Variants in CRYBG3 observed in about 807,000 individuals in gnomAD.
The protein encoded by CRYBG3 is very large A-kinase anchor protein.
CRYBG3 carries 127 observed loss-of-function variants against 244.2 expected under a neutral mutation model. The observed-to-expected ratio is 0.52, with a 90% CI of 0.45 to 0.60. The LOEUF (loss-of-function observed/expected upper bound fraction) is 0.60, where lower values mean the gene tolerates loss of function less well. Among genes scored for constraint, CRYBG3 ranks in the 20% least tolerant of loss-of-function variants. CRYBG3 has a pLI of 0.00. For synonymous variants in CRYBG3, 1,132 were observed against 1,195.8 expected, an observed-to-expected ratio of 0.95 and a Z score of 1.10; for missense variants, 3,325 against 3,442.5, an observed-to-expected ratio of 0.97 and a Z score of 0.85.
Position 97,872,116 on chromosome 3 carries a change from A to C in CRYBG3, c.922A>C (p.Lys308Gln), listed in dbSNP as rs1465907285. 2 of 1,535,928 alleles carry C rather than the reference A, an allele frequency of 1.3e-6. No individual in the cohort carries two copies. Among genetic ancestry groups the C allele is most frequent in the Non-Finnish European group, 1.7e-6 (2 of 1,146,826 alleles). ...CCCATTAGAAGACTCTGATTGTAGC[A>C]AAACAAGTTTCAACAAGGAAAATTC... is the stretch of plus-strand genomic sequence containing the variant. ...EGPLEDSDCSKTSFNKENSLT... is the reference protein window; with the variant it reads ...EGPLEDSDCSQTSFNKENSLT... The change falls in exon 4 of 22, where the codon AAA becomes CAA. Residue 308 changes from lysine to glutamine, a missense_variant. This residue lies in a region of CRYBG3 where 1,526 missense variants were observed against 1,443.2 expected (regional missense o/e 1.06). Coordinates refer to ENST00000389622, the MANE Select transcript of CRYBG3 (RefSeq NM_153605.4).
intron 3 of CRYBG3, among the ~76,000 whole-genome samples, chr3:97,870,759 G>C (rs954728045): frequency 3.3e-5 from 5 of 152,108 alleles, no homozygotes; most frequent in African/African-American, 1.2e-4. Flanking sequence ...TTCATGAGAA[G>C]GTATTAAGCA....
rs1229464316 is a variant in CRYBG3 at position 97,873,471 on chromosome 3, G to C, written c.2277G>C (p.Glu759Asp). 1 of 1,535,868 alleles carries C rather than the reference G, an allele frequency of 6.5e-7. No homozygotes were observed. Among genetic ancestry groups the C allele is most frequent in the African/African-American group, 1.4e-5 (1 of 73,152 alleles). ...GTGGCCCTCACTTAACTGGGTTGGAGCTATTGAGCTTTGACTCTGGAAACC... is the reference window on the plus strand; with the variant it reads ...GTGGCCCTCACTTAACTGGGTTGGACCTATTGAGCTTTGACTCTGGAAACC... ...EASGPHLTGLELLSFDSGNLS... is the reference protein window; with the variant it reads ...EASGPHLTGLDLLSFDSGNLS... Residue 759 changes from glutamate to aspartate, a missense_variant, in exon 4 of 22, where the codon GAG becomes GAC. By Grantham distance (45) the Glu-to-Asp change is conservative. This residue lies in a region of CRYBG3 where 1,526 missense variants were observed against 1,443.2 expected (regional missense o/e 1.06). Coordinates refer to ENST00000389622, the MANE Select transcript of CRYBG3 (RefSeq NM_153605.4).
At chr3:97,865,974 CAG>C (rs1442655920) in intron 3 of CRYBG3, among the ~76,000 whole-genome samples, 1 of 151,980 alleles carries the variant, frequency 6.6e-6, no homozygotes, top group Non-Finnish European at 1.5e-5. Context: ...ACAAAAATGA[CAG>C]AGAATGCTTT....
chr3:97,823,850 G>A (rs2038542788), intron 1 of CRYBG3, among the ~76,000 whole-genome samples: 1 of 152,168 alleles, frequency 6.6e-6, no homozygotes, highest in Non-Finnish European at 1.5e-5. Flanking sequence ...AATCCTGCTT[G>A]CCTCTCTGCC....
At chr3:97,883,717 C>T (rs1402033957) in intron 7 of CRYBG3, among the ~76,000 whole-genome samples, 1 of 152,072 alleles carries the variant, frequency 6.6e-6, no homozygotes, top group Non-Finnish European at 1.5e-5. Flanking sequence ...GAAAATAAAA[C>T]TATTGAGCAT....
rs759948643 is a variant in CRYBG3, at chr3:97,888,358, A to G, written c.7307A>G (p.Asp2436Gly). 1 of 1,608,424 alleles carries G rather than the reference A, an allele frequency of 6.2e-7. No individual in the cohort carries two copies. The highest frequency in any genetic ancestry group is 1.1e-5 in the South Asian group (1 of 90,500). The change falls in exon 9 of 22, where the codon GAT becomes GGT. Residue 2436 changes from aspartate to glycine, a missense_variant. Asp to Gly is a moderately conservative substitution (Grantham distance 94). Coordinates refer to ENST00000389622, the MANE Select transcript of CRYBG3 (RefSeq NM_153605.4). ...TTATATAGTTGGCTTGCCTACCCAGATATTAATTTTAAGGGACAAGCTACA... is the reference window on the plus strand; with the variant it reads ...TTATATAGTTGGCTTGCCTACCCAGGTATTAATTTTAAGGGACAAGCTACA... ...VKSGVWLAYP[D>G]INFKGQATVL...
chr3:97,884,577 A>G (rs756567210), intron 7 of CRYBG3, among the ~76,000 whole-genome samples: 4 of 152,188 alleles, frequency 2.6e-5, no homozygotes, highest in Admixed American at 6.5e-5. Context: ...CTACGAAAGT[A>G]TACAAGGAAG....
intron 10 of CRYBG3, among the ~76,000 whole-genome samples, chr3:97,890,355 G>A (rs1299583285): frequency 6.6e-6 from 1 of 152,190 alleles, no homozygotes; most frequent in Non-Finnish European, 1.5e-5. Context: ...TAGCTGTGAA[G>A]CTGTCTGAAT....
Position 97,876,867 on chromosome 3 carries a change from T to C in CRYBG3, c.5673T>C (p.Phe1891=), listed in dbSNP as rs1486177236. The change falls in exon 4 of 22, where the codon TTT becomes TTC. Residue 1891 remains phenylalanine, a synonymous_variant. Coordinates refer to ENST00000389622, the MANE Select transcript of CRYBG3 (RefSeq NM_153605.4). ...TKQGEAMLPA[F]ESKTPQEYAE... ...AAGGGGAGGCCATGCTTCCTGCATTTGAAAGTAAAACACCACAAGAGTATG... is the reference window on the plus strand; with the variant it reads ...AAGGGGAGGCCATGCTTCCTGCATTCGAAAGTAAAACACCACAAGAGTATG... The C allele has an allele frequency of 7.2e-7, 1 of 1,379,700 alleles. No homozygotes were observed. Among genetic ancestry groups the C allele is most frequent in the East Asian group, 2.7e-5 (1 of 37,718 alleles). The allele number at this position is 1,379,700 out of a possible 1,614,324, so 85.5% of individuals were successfully genotyped here.
intron 3 of CRYBG3, among the ~76,000 whole-genome samples, chr3:97,866,743 G>T (rs2039237128): frequency 6.6e-6 from 1 of 152,144 alleles, no homozygotes; most frequent in Non-Finnish European, 1.5e-5. Context: ...ATTAAAAAGA[G>T]AGAGGATACT....
At chr3:97,884,528 T>C (rs2039486007) in intron 7 of CRYBG3, among the ~76,000 whole-genome samples, 1 of 152,286 alleles carries the variant, frequency 6.6e-6, no homozygotes, top group East Asian at 1.9e-4. Flanking sequence ...TAGTATAAGT[T>C]TGCAAATTTC....
chr3:97,873,127 C>T lies in CRYBG3; in HGVS notation c.1933C>T (p.Leu645Phe). 2 of 1,535,694 alleles carry T rather than the reference C, an allele frequency of 1.3e-6. No homozygotes were observed. Residue 645 changes from leucine to phenylalanine, a missense_variant, in exon 4 of 22, where the codon CTT becomes TTT. Around this residue, in one of 4 missense-constraint regions of CRYBG3, gnomAD observed 1,526 missense variants for 1,443.2 expected, o/e 1.06. Transcript: ENST00000389622. ...ACCTGATGCTAAAACATCTCTTAGC[C>T]TTGACTGTAAAAAACTAAATTTCAG... Reference protein sequence around the residue: ...VSPDAKTSLSLDCKKLNFSIS... With the variant: ...VSPDAKTSLSFDCKKLNFSIS...
intron 12 of CRYBG3, among the ~76,000 whole-genome samples, chr3:97,897,098 A>C (rs2039648073): frequency 6.6e-6 from 1 of 151,948 alleles, no homozygotes; most frequent in South Asian, 2.1e-4. Context: ...GTTTTTCCTT[A>C]GTTCTATACT....
At position 97,941,311 on chromosome 3, in the gene CRYBG3, G is replaced by T; in HGVS notation, c.8664+5G>T. The T allele has an allele frequency of 6.2e-7, 1 of 1,601,460 alleles. No individual in the cohort carries two copies. Among genetic ancestry groups the T allele is most frequent in the Admixed American group, 1.7e-5 (1 of 58,748 alleles). ...CGAGGACTCTTTAAATCCAAGGTAA[G>T]CAATCCCACTGATACAGTATGCCAC... On this transcript the variant is annotated splice_donor_5th_base_variant and intron_variant, in intron 20 of 21. Transcript: ENST00000389622.
intron 15 of CRYBG3, among the ~76,000 whole-genome samples, chr3:97,907,198 T>C (rs532013695): frequency 6.6e-6 from 1 of 152,352 alleles, no homozygotes; most frequent in Admixed American, 6.5e-5. Context: ...GATATTGGTC[T>C]AAAATTCTCT....
chr3:97,853,906 A>G (rs1334200127), intron 2 of CRYBG3, among the ~76,000 whole-genome samples: 2 of 152,156 alleles, frequency 1.3e-5, no homozygotes, highest in Non-Finnish European at 2.9e-5. Flanking sequence ...GCCTAAGTCA[A>G]TGTCTGGAAG....
chr3:97,844,122 A>G (rs1395839710), intron 2 of CRYBG3, among the ~76,000 whole-genome samples: 1 of 152,196 alleles, frequency 6.6e-6, no homozygotes, highest in African/African-American at 2.4e-5. Flanking sequence ...TACACATTAT[A>G]AAGACAAAGT....
Position 97,874,398 on chromosome 3 carries a change from A to AG in CRYBG3, c.3205dup (p.Glu1069GlyfsTer3). On this transcript the variant is annotated frameshift_variant, in exon 4 of 22. Coordinates refer to ENST00000389622, the MANE Select transcript of CRYBG3 (RefSeq NM_153605.4). LOFTEE classifies it high-confidence loss of function. ...TGTCATCTTCCTCTAGTTACCCTGAAGAAGTTAGCATGATAGTAAATTCAC... is the reference window on the plus strand; with the variant it reads ...TGTCATCTTCCTCTAGTTACCCTGAAGGAAGTTAGCATGATAGTAAATTCAC... 1 of 1,533,964 alleles carries AG rather than the reference A, an allele frequency of 6.5e-7. No individual in the cohort carries two copies. The highest frequency in any genetic ancestry group is 8.7e-7 in the Non-Finnish European group (1 of 1,146,292).
chr3:97,890,027 G>A (rs1323722820), intron 10 of CRYBG3, among the ~76,000 whole-genome samples: 2 of 152,184 alleles, frequency 1.3e-5, no homozygotes, highest in African/African-American at 4.8e-5. Context: ...AGGCAGGTAT[G>A]GAAGCAGGGA....
Sources: gnomAD v4.1 joint callset for allele counts (sites outside exome capture counted in the v4.1 genomes callset) on GRCh38, gnomAD v4.1.1 for gene constraint, gnomAD v4.1.1 regional missense constraint, MANE v1.5 for transcripts, NCBI Gene and HGNC (gene_info 2026-07-23, HGNC 2026-07-21) for gene names.